Variants in RDX observed in about 807,000 individuals in gnomAD.
RDX encodes the protein radixin, also known as deafness, autosomal recessive 24.
A neutral mutation model predicts 83.7 loss-of-function variants in RDX; 32 were observed. The observed-to-expected ratio is 0.38, with a 90% confidence interval of 0.29 to 0.51. The LOEUF (loss-of-function observed/expected upper bound fraction) is 0.51. RDX is among the 20% of genes least tolerant of loss of function. The pLI is 0.87. For missense variants in RDX, 600 were observed against 689.9 expected (o/e 0.87, Z 1.46); for synonymous variants, 229 against 222.7 (o/e 1.03, Z -0.25).
intron 2 of RDX, chr11:110,273,197 A>G (rs1423752564): frequency 2.6e-6 from 1 of 384,536 alleles, no homozygotes; most frequent in Non-Finnish European, 5.2e-6. Flanking sequence ...TGCACAACAG[A>G]GCAAGACCCT....
At chr11:110,220,878 TAAAAAAAAAAA>T (rs386374875) in intron 14 of RDX, among the ~76,000 whole-genome samples, 3 of 109,338 alleles carry the variant, frequency 2.7e-5, no homozygotes, top group African/African-American at 1.0e-4. Flanking sequence ...ACAGCCTCTG[TAAAAAAAAAAA>T]AAAAAAAAAA....
At chr11:110,227,533 T>G (rs1864473523), downstream of RDX, among the ~76,000 whole-genome samples, 1 of 152,082 alleles carries the variant, frequency 6.6e-6, no homozygotes, top group Admixed American at 6.6e-5. Context: ...GCTACAAACA[T>G]GGAGGAATCT....
chr11:110,242,201 C>A (rs556681650), intron 10 of RDX, among the ~76,000 whole-genome samples: 3 of 152,172 alleles, frequency 2.0e-5, no homozygotes, highest in African/African-American at 7.2e-5. Flanking sequence ...GCCTGTAATC[C>A]CAGCACTTTG....
intron 1 of RDX, among the ~76,000 whole-genome samples, chr11:110,284,129 T>C (rs1860879988): frequency 1.3e-5 from 2 of 152,208 alleles, no homozygotes; most frequent in Admixed American, 1.3e-4. Flanking sequence ...GGTAAACAAG[T>C]AGGTAAGTAT....
chr11:110,253,879 T>A, intron 9 of RDX, 67 bp downstream of exon 9: 1 of 1,362,784 alleles, frequency 7.3e-7, no homozygotes, highest in African/African-American at 1.4e-5. Flanking sequence ...TTTAAAAAAC[T>A]GAGCAGTCTT....
chr11:110,238,201 T>C (rs981156758), intron 10 of RDX, among the ~76,000 whole-genome samples: 1 of 152,190 alleles, frequency 6.6e-6, no homozygotes, highest in Non-Finnish European at 1.5e-5. Context: ...ATAGGAATTT[T>C]GATGTGATTA....
intron 1 of RDX, among the ~76,000 whole-genome samples, chr11:110,293,069 C>T (rs1171018506): frequency 6.6e-6 from 1 of 152,166 alleles, no homozygotes. Flanking sequence ...TGCTTTTATT[C>T]AAATGATGAA....
intron 14 of RDX, among the ~76,000 whole-genome samples, chr11:110,204,073 T>A (rs1863513611): frequency 6.6e-6 from 1 of 152,096 alleles, no homozygotes; most frequent in East Asian, 1.9e-4. Flanking sequence ...ACCACTTATG[T>A]TCCACATGGG....
chr11:110,258,275 C>T, intron 5 of RDX, 86 bp from the exon 6 acceptor site: 1 of 842,622 alleles, frequency 1.2e-6, no homozygotes, highest in Non-Finnish European at 1.9e-6. Context: ...CTTTCAGTAA[C>T]TTGACTGTGG....
intron 2 of RDX, among the ~76,000 whole-genome samples, chr11:110,274,514 A>G (rs889994148): frequency 6.6e-6 from 1 of 152,064 alleles, no homozygotes; most frequent in African/African-American, 2.4e-5. Flanking sequence ...TCAACTACAC[A>G]CTTTTTTTTC....
At chr11:110,208,381 G>T (rs1863682917) in intron 14 of RDX, among the ~76,000 whole-genome samples, 1 of 152,052 alleles carries the variant, frequency 6.6e-6, no homozygotes, top group Non-Finnish European at 1.5e-5. Flanking sequence ...TCTCACAGTG[G>T]CCACCCTCCT....
chr11:110,278,874 C>T (rs1208572088), intron 2 of RDX, among the ~76,000 whole-genome samples: 1 of 150,016 alleles, frequency 6.7e-6, no homozygotes, highest in Non-Finnish European at 1.5e-5. Context: ...AAAAAAACAA[C>T]TCACTTTATT....
chr11:110,215,745 A>T (rs1250514423), intron 14 of RDX, among the ~76,000 whole-genome samples: 1 of 152,340 alleles, frequency 6.6e-6, no homozygotes, highest in South Asian at 2.1e-4. Flanking sequence ...GAAAGGTCAC[A>T]TTTTGTAATA....
At position 110,237,557 on chromosome 11, in the gene RDX, C is replaced by A; in HGVS notation, c.1186G>T (p.Ala396Ser). Residue 396 changes from alanine to serine, a missense_variant, in exon 11 of 14, where the codon GCT becomes TCT. Transcript: ENST00000645495. ...GCTATGGCAGACTTTGCCTCTTCAGCAGCTCGACGCTCCTTTTCAAGTCGT... is the reference window on the plus strand; with the variant it reads ...GCTATGGCAGACTTTGCCTCTTCAGAAGCTCGACGCTCCTTTTCAAGTCGT... ...AERLEKERRA[A>S]EEAKSAIAKQ... is the part of the protein sequence containing the mutation. The A allele has an allele frequency of 1.2e-6, 2 of 1,613,828 alleles. No homozygotes were observed.
chr11:110,189,700 A>G (rs1459315368), intron 15 of RDX, among the ~76,000 whole-genome samples: 2 of 152,242 alleles, frequency 1.3e-5, no homozygotes, highest in Non-Finnish European at 2.9e-5. Flanking sequence ...AGTACAAAGA[A>G]GATCTCTCAA....
rs577737066 is a variant in RDX at position 110,204,514 on chromosome 11, CT to C, written c.1749-4837del. On this transcript the variant is annotated intron_variant, in intron 14 of 15. Coordinates refer to the RDX transcript ENST00000528498. Reference sequence around the variant, plus strand: ...TACTTTTCTTTCTTTTTTTTTTTTCCTTTTTTTTTTTTTTTTTTTGAGACAG... The same window carrying C: ...TACTTTTCTTTCTTTTTTTTTTTTCCTTTTTTTTTTTTTTTTTTGAGACAG... Among the ~76,000 whole-genome samples, 505 of 107,602 alleles carry C rather than the reference CT, an allele frequency of 4.7e-3. 1 individual carries two copies. The highest frequency in any genetic ancestry group is 0.012 in the East Asian group (40 of 3,414). 70.6% of individuals were successfully genotyped at this position (107,602 alleles called of 152,430 possible). A position where few individuals can be genotyped will look rare whatever the true frequency, so the allele number is the denominator to read the frequency against.
At chr11:110,262,485 G>C (rs1484930544) in intron 5 of RDX, among the ~76,000 whole-genome samples, 2 of 151,954 alleles carry the variant, frequency 1.3e-5, no homozygotes, top group Admixed American at 6.6e-5. Flanking sequence ...CTCAGGAGGA[G>C]ACTGAGGCAG....
chr11:110,247,834 C>T lies in RDX; in HGVS notation c.960-1G>A. 1 of 1,557,102 alleles carries T rather than the reference C, an allele frequency of 6.4e-7. No homozygotes were observed. Among genetic ancestry groups the T allele is most frequent in the Non-Finnish European group, 8.7e-7 (1 of 1,151,990 alleles). ...CTTCTTTTCATTCTCTAATTGTGCC[C>T]TTAAAAGGAATTGCAATTGCTGTTA... is the stretch of plus-strand genomic sequence containing the variant. On this transcript the variant is annotated splice_acceptor_variant, in intron 9 of 13. Coordinates refer to ENST00000645495, the MANE Select transcript of RDX (RefSeq NM_002906.4). LOFTEE classifies it high-confidence loss of function.
intron 14 of RDX, among the ~76,000 whole-genome samples, chr11:110,201,177 C>CAAAAAAAA (rs34428422): frequency 4.9e-5 from 4 of 82,026 alleles, no homozygotes; most frequent in African/African-American, 4.9e-5. Flanking sequence ...ACTCCCGTCT[C>CAAAAAAAA]AAAAAAAAAA....
Sources: gnomAD v4.1 joint callset for allele counts (sites outside exome capture counted in the v4.1 genomes callset) on GRCh38, gnomAD v4.1.1 for gene constraint, MANE v1.5 for transcripts, NCBI Gene and HGNC (gene_info 2026-07-23, HGNC 2026-07-21) for gene names.